Variants in ADAMTSL1 observed in about 807,000 individuals in gnomAD.
ADAMTSL1 encodes ADAMTS like 1, also known as ADAMTS-like protein 1.
Under a neutral mutation model 201.8 loss-of-function variants are expected in ADAMTSL1, and 126 were observed. The ratio of observed to expected loss-of-function variants is 0.62; its 90% CI spans 0.54 to 0.72. ADAMTSL1 has a LOEUF of 0.72. ADAMTSL1 is among the 30% of genes least tolerant of loss of function. The probability of loss-of-function intolerance (pLI) is 0.00; values close to 1 mark genes in which losing one functional copy is unlikely to be tolerated. For synonymous variants in ADAMTSL1, 1,121 were observed against 903.4 expected, an observed-to-expected ratio of 1.24 and a Z score of -4.32; for missense variants, 2,679 against 2,277.8, an observed-to-expected ratio of 1.18 and a Z score of -3.59.
chr9:17,989,264 C>T (rs1157155803), intron 1 of ADAMTSL1, among the ~76,000 whole-genome samples: 2 of 151,386 alleles, frequency 1.3e-5, no homozygotes, highest in African/African-American at 2.4e-5. Context: ...TTTGTGTGTT[C>T]AGAATTTTAA....
chr9:18,722,291 T>A (rs963743492), intron 15 of ADAMTSL1, among the ~76,000 whole-genome samples: 1 of 152,296 alleles, frequency 6.6e-6, no homozygotes, highest in East Asian at 1.9e-4. Flanking sequence ...TTATGGTGTC[T>A]TGAGAAACTT....
rs1485947348 is a variant in ADAMTSL1 at position 18,779,247 on chromosome 9, A to G, written c.3677+1341A>G. Among the ~76,000 whole-genome samples, 4 of 152,312 alleles carry G rather than the reference A, an allele frequency of 2.6e-5. No homozygotes were observed. The East Asian group carries it at 7.7e-4, about 29-fold the overall frequency. On this transcript the variant is annotated intron_variant, in intron 19 of 28. Transcript: ENST00000380548. Reference sequence around the variant, plus strand: ...GAAGAGTTCTGTCTACTCTTCTGAGACTCGGTGAATAGATATATAATAACT... The same window carrying G: ...GAAGAGTTCTGTCTACTCTTCTGAGGCTCGGTGAATAGATATATAATAACT...
At chr9:18,151,854 A>G (rs1231564880) in intron 1 of ADAMTSL1, among the ~76,000 whole-genome samples, 7 of 152,034 alleles carry the variant, frequency 4.6e-5, no homozygotes, top group South Asian at 2.1e-4. Flanking sequence ...TCAATAAATT[A>G]TGACATAAAT....
intron 2 of ADAMTSL1, among the ~76,000 whole-genome samples, chr9:18,531,954 C>G (rs1255983081): frequency 6.6e-6 from 1 of 152,090 alleles, no homozygotes; most frequent in Non-Finnish European, 1.5e-5. Context: ...GTTTTGTCAT[C>G]TGTAAAATGG....
intron 13 of ADAMTSL1, among the ~76,000 whole-genome samples, chr9:18,694,468 C>T (rs1831427273): frequency 6.6e-6 from 1 of 152,148 alleles, no homozygotes; most frequent in African/African-American, 2.4e-5. Flanking sequence ...AATGGAGGTA[C>T]AGGCATTGGG....
intron 2 of ADAMTSL1, among the ~76,000 whole-genome samples, chr9:18,269,737 G>C (rs1409112566): frequency 6.6e-6 from 1 of 152,080 alleles, no homozygotes; most frequent in Non-Finnish European, 1.5e-5. Flanking sequence ...TTTTGTTTGG[G>C]TGATATTCAA....
chr9:18,486,947 G>T (rs1475245557), intron 1 of ADAMTSL1, among the ~76,000 whole-genome samples: 1 of 152,116 alleles, frequency 6.6e-6, no homozygotes, highest in Non-Finnish European at 1.5e-5. Flanking sequence ...AAATCTCTTT[G>T]CCCTGATTCT....
intron 3 of ADAMTSL1, among the ~76,000 whole-genome samples, chr9:18,573,551 A>G (rs1056987794): frequency 4.6e-5 from 7 of 152,212 alleles, no homozygotes; most frequent in Admixed American, 3.3e-4. Context: ...CAACTCCACA[A>G]AAACTTTTTG....
intron 1 of ADAMTSL1, among the ~76,000 whole-genome samples, chr9:18,482,116 A>G (rs7019792): frequency 0.037 from 5,561 of 152,344 alleles, 329 homozygotes; most frequent in African/African-American, 0.13. Flanking sequence ...TAAATTAATT[A>G]CAATAAGACC....
At chr9:18,202,410 C>G (rs534759960) in intron 2 of ADAMTSL1, among the ~76,000 whole-genome samples, 2 of 152,324 alleles carry the variant, frequency 1.3e-5, no homozygotes, top group South Asian at 2.1e-4. Context: ...AATACGTGTG[C>G]TCAATCTTCA....
chr9:18,303,124 C>T (rs1345286805), intron 2 of ADAMTSL1, among the ~76,000 whole-genome samples: 4 of 152,032 alleles, frequency 2.6e-5, no homozygotes, highest in Non-Finnish European at 5.9e-5. Context: ...TTAGTAGGTA[C>T]TTATTTAAAG....
intron 2 of ADAMTSL1, among the ~76,000 whole-genome samples, chr9:18,344,644 G>T (rs565816719): frequency 6.6e-6 from 1 of 152,060 alleles, no homozygotes; most frequent in Non-Finnish European, 1.5e-5. Context: ...ATGAATTGGC[G>T]GTTGTTGAAT....
At chr9:18,439,023 A>G (rs941622611) in intron 2 of ADAMTSL1, among the ~76,000 whole-genome samples, 5 of 129,428 alleles carry the variant, frequency 3.9e-5, no homozygotes, top group Non-Finnish European at 8.3e-5. Flanking sequence ...CTTTCCTTTT[A>G]TTTTCAAAGT....
At chr9:18,901,003 C>G (rs575193120) in intron 26 of ADAMTSL1, among the ~76,000 whole-genome samples, 1 of 152,042 alleles carries the variant, frequency 6.6e-6, no homozygotes, top group Non-Finnish European at 1.5e-5. Flanking sequence ...GCCTCCCTCC[C>G]GTCTCTTACC....
At chr9:18,519,860 C>G (rs151238593) in intron 2 of ADAMTSL1, among the ~76,000 whole-genome samples, 2 of 152,278 alleles carry the variant, frequency 1.3e-5, no homozygotes, top group African/African-American at 4.8e-5. Context: ...CTGGGCATGA[C>G]CTTTATGGTC....
chr9:18,092,613 C>G (rs756793713), intron 1 of ADAMTSL1, among the ~76,000 whole-genome samples: 22 of 152,216 alleles, frequency 1.4e-4, no homozygotes, highest in Non-Finnish European at 2.2e-4. Flanking sequence ...CCCAGTCTTT[C>G]CCCAATACTT....
At chr9:18,793,988 T>C (rs1822209366) in intron 19 of ADAMTSL1, among the ~76,000 whole-genome samples, 1 of 151,984 alleles carries the variant, frequency 6.6e-6, no homozygotes, top group Admixed American at 6.6e-5. Flanking sequence ...AAGCTCACTG[T>C]AGGCACTCAC....
chr9:18,795,554 TC>T (rs1172149886), intron 20 of ADAMTSL1, 30 bp downstream of exon 20: 1 of 1,577,220 alleles, frequency 6.3e-7, no homozygotes, highest in Non-Finnish European at 8.6e-7. Context: ...TCTGTTCATT[TC>T]ATAAACCTTT....
In ADAMTSL1 at chr9:18,653,992, C is replaced by T. The variant is rs549686268; in HGVS notation, c.835-3647C>T. ...CCTGTAATCCCAACACTTTGGGAGG[C>T]CGAGGCGGGTGGATCACCTGAGATC... On this transcript the variant is annotated intron_variant, in intron 7 of 28. Coordinates refer to ENST00000380548, the MANE Select transcript of ADAMTSL1 (RefSeq NM_001040272.6). Among the ~76,000 whole-genome samples, 8 of 152,342 alleles carry T rather than the reference C, an allele frequency of 5.3e-5. No individual in the cohort carries two copies. In the South Asian group the frequency reaches 1.5e-3, roughly 28 times the overall value.
Sources: allele counts gnomAD v4.1 joint callset (sites outside exome capture counted in the v4.1 genomes callset), GRCh38; gene constraint gnomAD v4.1.1; transcripts MANE v1.5; gene names NCBI Gene and HGNC (gene_info 2026-07-23, HGNC 2026-07-21).